Variants in TFAP2C observed in about 807,000 individuals in gnomAD.
TFAP2C encodes activating enhancer-binding protein 2 gamma.
A neutral mutation model predicts 42.9 loss-of-function variants in TFAP2C; 9 were observed. That is an observed-to-expected ratio of 0.21 (90% CI 0.13 to 0.37). The LOEUF is 0.37. Among genes scored for constraint, TFAP2C ranks in the 10% least tolerant of loss-of-function variants. The probability of loss-of-function intolerance (pLI) is 1.00; values close to 1 mark genes in which losing one functional copy is unlikely to be tolerated. For synonymous variants in TFAP2C, 264 were observed against 256.0 expected (o/e 1.03, Z -0.30); for missense variants, 462 against 591.7 (o/e 0.78, Z 2.27).
In TFAP2C at chr20:56,631,697, G is replaced by T. The variant is rs1435248405; in HGVS notation, c.534+7G>T. 2 of 1,593,240 alleles carry T rather than the reference G, an allele frequency of 1.3e-6. No individual in the cohort carries two copies. Among genetic ancestry groups the T allele is most frequent in the Non-Finnish European group, 8.5e-7 (1 of 1,170,122 alleles). ...CCAGATGGACGAGGTGCAGGTGAGC[G>T]GCGCTGCGGCTCCTGACCGGACCTG... On this transcript the variant is annotated splice_region_variant and intron_variant, in intron 2 of 6. Transcript: ENST00000201031. The surrounding 1 kb of genome is among the most constrained non-coding windows in gnomAD (Gnocchi z 6.1).
intron 3 of TFAP2C, among the ~76,000 whole-genome samples, chr20:56,632,140 A>C (rs1304363743): frequency 6.6e-6 from 1 of 152,254 alleles, no homozygotes; most frequent in Non-Finnish European, 1.5e-5. Context: ...AAAGTCTTCC[A>C]GAGCGAGTGA....
intron 5 of TFAP2C, 70 bp from the exon 6 acceptor site, chr20:56,636,540 A>AT (rs5842120): frequency 5.6e-5 from 83 of 1,472,596 alleles, no homozygotes; most frequent in Admixed American, 4.1e-4. Flanking sequence ...AAAAAAAAAA[A>AT]GAGAGAGGAA....
At position 56,631,061 on chromosome 20, in the gene TFAP2C, G is replaced by A; in HGVS notation, c.49-144G>A. 2 of 1,426,512 alleles carry A rather than the reference G, an allele frequency of 1.4e-6. No homozygotes were observed. The highest frequency in any genetic ancestry group is 1.8e-6 in the Non-Finnish European group (2 of 1,098,406). 88.4% of individuals were successfully genotyped at this position (1,426,512 alleles called of 1,614,324 possible). On this transcript the variant is annotated intron_variant, in intron 1 of 6. Coordinates refer to ENST00000201031, the MANE Select transcript of TFAP2C (RefSeq NM_003222.4). The surrounding 1 kb of genome is among the most constrained non-coding windows in gnomAD (Gnocchi z 6.1). ...AAATCCTCGGGGCGCATTGCCCCCG[G>A]GTACCTTCCGACCCTGGGCAAGCCC... is the stretch of plus-strand genomic sequence containing the variant.
Position 56,629,527 on chromosome 20 carries a change from TG to T in TFAP2C, c.-13del. The T allele has an allele frequency of 1.4e-6, 2 of 1,418,470 alleles. No homozygotes were observed. The highest frequency in any genetic ancestry group is 1.8e-5 in the South Asian group (1 of 56,156). 87.9% of individuals were successfully genotyped at this position (1,418,470 alleles called of 1,614,324 possible). ...TCCTGGATTTAACTGGCGACTGTTTTGGGGGACGCCGGACGCCATGTTGTGG... is the reference window on the plus strand; with the variant it reads ...TCCTGGATTTAACTGGCGACTGTTTTGGGGACGCCGGACGCCATGTTGTGG... On this transcript the variant is annotated 5_prime_UTR_variant, in exon 1 of 7. Coordinates refer to ENST00000201031, the MANE Select transcript of TFAP2C (RefSeq NM_003222.4). The surrounding 1 kb of genome is among the most constrained non-coding windows in gnomAD (Gnocchi z 5.9).
rs1443604304 is a variant in TFAP2C, at chr20:56,638,077, C to A, written c.*64C>A. 32 of 1,463,628 alleles carry A rather than the reference C, an allele frequency of 2.2e-5. No individual in the cohort carries two copies. The highest frequency in any genetic ancestry group is 2.6e-5 in the Non-Finnish European group (28 of 1,083,076). The allele number at this position is 1,463,628 out of a possible 1,614,324, so 90.7% of individuals were successfully genotyped here. On this transcript the variant is annotated 3_prime_UTR_variant, in exon 7 of 7. Transcript: ENST00000201031. Reference sequence around the variant, plus strand: ...CAGGACTGCAAAAATCCTTCTCCACCGCACAGACTGGGAACCCCTCCTGGC... The same window carrying A: ...CAGGACTGCAAAAATCCTTCTCCACAGCACAGACTGGGAACCCCTCCTGGC...
In TFAP2C at chr20:56,634,178, T is replaced by C. The variant is rs541491852; in HGVS notation, c.832T>C (p.Leu278=). 1 of 1,614,038 alleles carries C rather than the reference T, an allele frequency of 6.2e-7. No homozygotes were observed. Among genetic ancestry groups the C allele is most frequent in the East Asian group, 2.2e-5 (1 of 44,880 alleles). The change falls in exon 5 of 7, where the codon TTG becomes CTG. Residue 278 remains leucine (L), a synonymous_variant. Transcript: ENST00000201031. ...CAAATCGAAAAATGGAGGCCGGTCC[T>C]TGCGGGAGAAGTTGGACAAGATTGG... is the stretch of plus-strand genomic sequence containing the variant. ...RAKSKNGGRS[L]REKLDKIGLN...
rs537987208 is a variant in TFAP2C, at chr20:56,631,743, C to T, written c.534+53C>T. ...ACCTGTTCACCCTACGGCCTTCTGC[C>T]CCCACCCCGCACTCCTCTAGGCTCC... On this transcript the variant is annotated intron_variant, in intron 2 of 6. Transcript: ENST00000201031. The surrounding 1 kb of genome is among the most constrained non-coding windows in gnomAD (Gnocchi z 6.1). The T allele has an allele frequency of 6.2e-7, 1 of 1,612,794 alleles. No individual in the cohort carries two copies. The highest frequency in any genetic ancestry group is 2.2e-5 in the East Asian group (1 of 44,862).
In TFAP2C at chr20:56,629,409, C is replaced by G. The variant is rs1987439880; in HGVS notation, c.-136C>G. The G allele has an allele frequency of 1.4e-6, 1 of 702,658 alleles. No individual in the cohort carries two copies. The highest frequency in any genetic ancestry group is 2.1e-6 in the Non-Finnish European group (1 of 475,040). The allele number at this position is 702,658 out of a possible 1,614,324, so 43.5% of individuals were successfully genotyped here. ...GAGCCGCCGATGCGTGTCCAGTGACCCGGACAGCAAGGCCCGCGCGCGGCG... is the reference window on the plus strand; with the variant it reads ...GAGCCGCCGATGCGTGTCCAGTGACGCGGACAGCAAGGCCCGCGCGCGGCG... On this transcript the variant is annotated 5_prime_UTR_variant, in exon 1 of 7. Transcript: ENST00000201031. The surrounding 1 kb of genome is among the most constrained non-coding windows in gnomAD (Gnocchi z 5.9).
At position 56,631,047 on chromosome 20, in the gene TFAP2C, G is replaced by A; in HGVS notation, c.49-158G>A. On this transcript the variant is annotated intron_variant, in intron 1 of 6. Transcript: ENST00000201031. This position sits in a 1 kb window ranked among gnomAD's most constrained non-coding sequence, Gnocchi z 6.1. ...CTTTGCTTACAACGAAATCCTCGGGGCGCATTGCCCCCGGGTACCTTCCGA... is the reference window on the plus strand; with the variant it reads ...CTTTGCTTACAACGAAATCCTCGGGACGCATTGCCCCCGGGTACCTTCCGA... 1 of 985,300 alleles carries A rather than the reference G, an allele frequency of 1.0e-6. No individual in the cohort carries two copies. The highest frequency in any genetic ancestry group is 1.2e-6 in the Non-Finnish European group (1 of 829,810). 61.0% of individuals were successfully genotyped at this position (985,300 alleles called of 1,614,324 possible).
At position 56,631,931 on chromosome 20, in the gene TFAP2C, G is replaced by A; in HGVS notation, c.586+75G>A. On this transcript the variant is annotated intron_variant, in intron 3 of 6. Coordinates refer to ENST00000201031, the MANE Select transcript of TFAP2C (RefSeq NM_003222.4). This position sits in a 1 kb window ranked among gnomAD's most constrained non-coding sequence, Gnocchi z 6.1. ...GTGAAGTTGACTGGCAAGGTTGGGG[G>A]TATTTGGTGGCCAGCGTGGGACATT... is the stretch of plus-strand genomic sequence containing the variant. The A allele has an allele frequency of 6.5e-7, 1 of 1,540,086 alleles. No individual in the cohort carries two copies. The highest frequency in any genetic ancestry group is 2.2e-5 in the East Asian group (1 of 44,482).
Position 56,631,573 on chromosome 20 carries a change from C to T in TFAP2C, c.417C>T (p.Arg139=). The T allele has an allele frequency of 1.3e-6, 2 of 1,535,774 alleles. No individual in the cohort carries two copies. Among genetic ancestry groups the T allele is most frequent in the Non-Finnish European group, 1.7e-6 (2 of 1,148,070 alleles). ...SGLEAGAVSA[R]RDAYRRSDLL... The stretch of plus-strand genomic sequence containing the variant: ...TGGAGGCGGGCGCGGTGAGCGCCCG[C>T]AGGGATGCCTACCGCCGCTCCGACC... The change falls in exon 2 of 7, where the codon CGC becomes CGT. Residue 139 remains arginine, a synonymous_variant. Coordinates refer to ENST00000201031, the MANE Select transcript of TFAP2C (RefSeq NM_003222.4). The surrounding 1 kb of genome is among the most constrained non-coding windows in gnomAD (Gnocchi z 6.1).
At chr20:56,636,539 AAGAG>A (rs933349996) in intron 5 of TFAP2C, 67 bp from the exon 6 acceptor site, 6 of 1,486,116 alleles carry the variant, frequency 4.0e-6, no homozygotes, top group African/African-American at 2.8e-5. Context: ...AAAAAAAAAA[AAGAG>A]AGAGGAAAAG....
chr20:56,638,137 A>G lies in TFAP2C; in HGVS notation c.*124A>G. On this transcript the variant is annotated 3_prime_UTR_variant, in exon 7 of 7. Coordinates refer to ENST00000201031, the MANE Select transcript of TFAP2C (RefSeq NM_003222.4). The stretch of plus-strand genomic sequence containing the variant: ...GAGTTTGTTACCTACCTTACTATTT[A>G]AAGAGCCTTCACTGGTTCTGCATCA... 1 of 856,130 alleles carries G rather than the reference A, an allele frequency of 1.2e-6. No individual in the cohort carries two copies. Among genetic ancestry groups the G allele is most frequent in the Non-Finnish European group, 1.8e-6 (1 of 567,132 alleles). The allele number at this position is 856,130 out of a possible 1,614,324, so 53.0% of individuals were successfully genotyped here.
intron 3 of TFAP2C, 46 bp from the exon 4 acceptor site, chr20:56,633,307 C>T (rs746349213): frequency 6.6e-7 from 1 of 1,512,978 alleles, no homozygotes; most frequent in South Asian, 1.2e-5. Context: ...GTCTCTTTTG[C>T]TCAGAGAGAG....
Position 56,630,851 on chromosome 20 carries a change from G to A in TFAP2C, c.49-354G>A. On this transcript the variant is annotated intron_variant, in intron 1 of 6. Coordinates refer to ENST00000201031, the MANE Select transcript of TFAP2C (RefSeq NM_003222.4). The surrounding 1 kb of genome is among the most constrained non-coding windows in gnomAD (Gnocchi z 5.1). ...GTCCGGCTCCTTCGCCCCGGGCTCT[G>A]GCTCCTTCGCCCCGGGCTCCGGCCA... 1.0e-6 allele frequency: 1 copy of A among 984,752 alleles called. No individual in the cohort carries two copies. Among genetic ancestry groups the A allele is most frequent in the Non-Finnish European group, 1.2e-6 (1 of 829,850 alleles). 61.0% of individuals were successfully genotyped at this position (984,752 alleles called of 1,614,324 possible).
At chr20:56,635,498 C>G (rs1177846761) in intron 5 of TFAP2C, among the ~76,000 whole-genome samples, 1 of 152,012 alleles carries the variant, frequency 6.6e-6, no homozygotes, top group Non-Finnish European at 1.5e-5. Context: ...AGAAACATCC[C>G]TCCCATCTTT....
chr20:56,631,132 C>T lies in TFAP2C; in HGVS notation c.49-73C>T, dbSNP rs967633645. 2.0e-5 allele frequency: 29 copies of T among 1,465,740 alleles called. 1 individual carries two copies. The highest frequency in any genetic ancestry group is 2.9e-5 in the South Asian group (2 of 70,106). 90.8% of individuals were successfully genotyped at this position (1,465,740 alleles called of 1,614,324 possible). A position where few individuals can be genotyped will look rare whatever the true frequency, so the allele number is the denominator to read the frequency against. ...GTCCCCCGGGGCCCTCTGCGTAGCC[C>T]GGCGATGCCGGCCAGTTCGCAGTAG... On this transcript the variant is annotated intron_variant, in intron 1 of 6. Transcript: ENST00000201031. The surrounding 1 kb of genome is among the most constrained non-coding windows in gnomAD (Gnocchi z 6.1).
At chr20:56,636,469 T>C (rs1040948923) in intron 5 of TFAP2C, 141 bp from the exon 6 acceptor site, 73 of 836,786 alleles carry the variant, frequency 8.7e-5, no homozygotes, top group Non-Finnish European at 1.1e-4. Flanking sequence ...GAGGTTGCAG[T>C]GAGCAGAGAT....
rs1468755351 is a variant in TFAP2C at position 56,638,052 on chromosome 20, C to A, written c.*39C>A. The stretch of plus-strand genomic sequence containing the variant: ...AAAGGTTAGGAGAGTAGGGAAGGAA[C>A]AGGACTGCAAAAATCCTTCTCCACC... On this transcript the variant is annotated 3_prime_UTR_variant, in exon 7 of 7. Coordinates refer to ENST00000201031, the MANE Select transcript of TFAP2C (RefSeq NM_003222.4). The A allele has an allele frequency of 6.4e-7, 1 of 1,570,424 alleles. No individual in the cohort carries two copies. The highest frequency in any genetic ancestry group is 1.8e-5 in the Admixed American group (1 of 55,440).
Sources: allele counts gnomAD v4.1 joint callset (sites outside exome capture counted in the v4.1 genomes callset), GRCh38; gene constraint gnomAD v4.1.1; non-coding constraint Gnocchi (gnomAD v3.1); transcripts MANE v1.5; gene names NCBI Gene and HGNC (gene_info 2026-07-23, HGNC 2026-07-21).